The following IPCEF1 variants were observed in gnomAD, a reference collection of about 807,000 sequenced individuals.
IPCEF1 encodes interactor protein for cytohesin exchange factors 1.
Under a neutral mutation model 50.9 loss-of-function variants are expected in IPCEF1, and 31 were observed. The observed-to-expected ratio is 0.61, with a 90% CI of 0.46 to 0.82. The LOEUF (loss-of-function observed/expected upper bound fraction) is 0.82, where lower values mean the gene tolerates loss of function less well. Among genes scored for constraint, IPCEF1 ranks in the 40% least tolerant of loss-of-function variants. The pLI, the probability that IPCEF1 is intolerant of heterozygous loss-of-function variation, is 0.00. For synonymous variants in IPCEF1, 181 were observed against 192.0 expected (o/e 0.94, Z 0.47); for missense variants, 458 against 514.0 (o/e 0.89, Z 1.05).
intron 1 of IPCEF1, among the ~76,000 whole-genome samples, chr6:154,319,705 G>A (rs1165225060): frequency 6.6e-6 from 1 of 152,198 alleles, no homozygotes; most frequent in Non-Finnish European, 1.5e-5. Flanking sequence ...AATTTAAAAA[G>A]CCTTCAAAAG....
At chr6:154,171,264 G>C (rs1301709539) in intron 10 of IPCEF1, among the ~76,000 whole-genome samples, 2 of 152,122 alleles carry the variant, frequency 1.3e-5, no homozygotes, top group South Asian at 4.1e-4. Flanking sequence ...ATTTGCATGT[G>C]ACAGAATAGT....
chr6:154,315,184 A>G (rs1326097977), intron 1 of IPCEF1, among the ~76,000 whole-genome samples: 1 of 152,172 alleles, frequency 6.6e-6, no homozygotes, highest in Admixed American at 6.6e-5. Flanking sequence ...TGCCTAGCCC[A>G]CTAGTGTGAT....
chr6:154,294,722 AACCCTGCCCTTCTC>A (rs1237138662), intron 1 of IPCEF1, among the ~76,000 whole-genome samples: 1 of 151,938 alleles, frequency 6.6e-6, no homozygotes, highest in Non-Finnish European at 1.5e-5. Flanking sequence ...TTGCCCAATA[AACCCTGCCCTTCTC>A]ACCCTTCAAA....
At chr6:154,192,355 T>A (rs1418373509) in intron 10 of IPCEF1, among the ~76,000 whole-genome samples, 1 of 147,340 alleles carries the variant, frequency 6.8e-6, no homozygotes, top group Non-Finnish European at 1.5e-5. Context: ...TGTGTGTGTA[T>A]GCATGTGTGT....
At chr6:154,295,261 T>G (rs1782617372) in intron 1 of IPCEF1, among the ~76,000 whole-genome samples, 1 of 152,256 alleles carries the variant, frequency 6.6e-6, no homozygotes, top group South Asian at 2.1e-4. Flanking sequence ...TACAGTCATG[T>G]GCTAGATGCT....
intron 5 of IPCEF1, among the ~76,000 whole-genome samples, chr6:154,232,400 C>T (rs1271725997): frequency 2.0e-5 from 3 of 152,168 alleles, no homozygotes; most frequent in Non-Finnish European, 4.4e-5. Context: ...GAGCGCTAAG[C>T]ATATGCCAGT....
At chr6:154,264,142 C>G (rs1370789870) in intron 3 of IPCEF1, among the ~76,000 whole-genome samples, 2 of 151,860 alleles carry the variant, frequency 1.3e-5, no homozygotes, top group Non-Finnish European at 2.9e-5. Context: ...TTTCTATTAT[C>G]AAAAAACACC....
intron 2 of IPCEF1, among the ~76,000 whole-genome samples, chr6:154,281,600 G>A (rs1183911589): frequency 2.6e-5 from 4 of 152,084 alleles, no homozygotes; most frequent in African/African-American, 9.7e-5. Context: ...GGTGACTCAC[G>A]CCTGTAATCC....
At chr6:154,243,949 G>C (rs1780808454) in intron 5 of IPCEF1, among the ~76,000 whole-genome samples, 1 of 152,174 alleles carries the variant, frequency 6.6e-6, no homozygotes. Flanking sequence ...GCCTAGAGTA[G>C]ACACTAAGTA....
chr6:154,298,608 A>C (rs1470462937), intron 1 of IPCEF1, among the ~76,000 whole-genome samples: 4 of 152,244 alleles, frequency 2.6e-5, no homozygotes, highest in African/African-American at 9.6e-5. Flanking sequence ...TCTTCCTTTA[A>C]AGAGAGAAGA....
intron 5 of IPCEF1, 40 bp downstream of exon 5, chr6:154,246,551 A>T: frequency 6.3e-7 from 1 of 1,578,382 alleles, no homozygotes. Flanking sequence ...CGTATCCCTC[A>T]TTAAAACGGC....
chr6:154,274,538 G>T (rs1005794522), intron 2 of IPCEF1, among the ~76,000 whole-genome samples: 1 of 152,178 alleles, frequency 6.6e-6, no homozygotes, highest in African/African-American at 2.4e-5. Context: ...GATCTCAAAC[G>T]ATTTGCCTCT....
At chr6:154,193,754 G>C (rs1289134019) in intron 10 of IPCEF1, among the ~76,000 whole-genome samples, 1 of 152,220 alleles carries the variant, frequency 6.6e-6, no homozygotes, top group Non-Finnish European at 1.5e-5. Flanking sequence ...AGACAAGGAG[G>C]AGAGGCCTGT....
At chr6:154,303,432 A>G (rs983843369) in intron 1 of IPCEF1, among the ~76,000 whole-genome samples, 1 of 152,178 alleles carries the variant, frequency 6.6e-6, no homozygotes, top group Non-Finnish European at 1.5e-5. Flanking sequence ...ACTGGTGTAC[A>G]TATCCATCAG....
chr6:154,172,671 G>A (rs191554509), intron 10 of IPCEF1, among the ~76,000 whole-genome samples: 39 of 152,352 alleles, frequency 2.6e-4, no homozygotes, highest in African/African-American at 8.2e-4. Flanking sequence ...CGAACTGGGC[G>A]GAGCCCACTG....
intron 7 of IPCEF1, chr6:154,216,903 C>A: frequency 6.4e-6 from 1 of 157,480 alleles, no homozygotes; most frequent in African/African-American, 2.4e-5. Flanking sequence ...CTCTTCTTCC[C>A]CTAAGTGGCC....
At chr6:154,169,137 G>A (rs946844430) in intron 10 of IPCEF1, among the ~76,000 whole-genome samples, 1 of 151,964 alleles carries the variant, frequency 6.6e-6, no homozygotes, top group Admixed American at 6.6e-5. Flanking sequence ...AAGGCAGGAG[G>A]ATCGCCTGAG....
chr6:154,196,231 T>C (rs778135364), intron 10 of IPCEF1, among the ~76,000 whole-genome samples: 7 of 152,174 alleles, frequency 4.6e-5, no homozygotes, highest in Admixed American at 1.3e-4. Flanking sequence ...ATTACATACT[T>C]CCTGAGGAGG....
intron 1 of IPCEF1, among the ~76,000 whole-genome samples, chr6:154,318,000 T>C (rs1325309702): frequency 3.3e-5 from 5 of 152,170 alleles, no homozygotes; most frequent in African/African-American, 7.2e-5. Context: ...TATATAGTAA[T>C]AAACAGAAAC....
Sources: gnomAD v4.1 joint callset for allele counts (sites outside exome capture counted in the v4.1 genomes callset) on GRCh38, gnomAD v4.1.1 for gene constraint, MANE v1.5 for transcripts, NCBI Gene and HGNC (gene_info 2026-07-23, HGNC 2026-07-21) for gene names.